AGBL1: variants seen among roughly 807,000 people sequenced by gnomAD.
The protein encoded by AGBL1 is AGBL carboxypeptidase 1.
Under a neutral mutation model 118.9 loss-of-function variants are expected in AGBL1, and 130 were observed. The observed-to-expected ratio is 1.09, with a 90% CI of 0.95 to 1.26. The LOEUF is 1.26. Ranked by LOEUF, AGBL1 falls within the 50% of genes most tolerant of loss-of-function variation. The pLI is 0.00. For synonymous variants in AGBL1, 555 were observed against 478.9 expected, an observed-to-expected ratio of 1.16 and a Z score of -2.08; for missense variants, 1,584 against 1,298.1, an observed-to-expected ratio of 1.22 and a Z score of -3.38.
chr15:86,732,400 T>A (rs531150105), intron 22 of AGBL1, among the ~76,000 whole-genome samples: 4 of 152,216 alleles, frequency 2.6e-5, no homozygotes, highest in Non-Finnish European at 4.4e-5. Flanking sequence ...TTTGTAACTA[T>A]GTAGCTGCCC....
intron 18 of AGBL1, among the ~76,000 whole-genome samples, chr15:86,402,380 A>G (rs115003325): frequency 0.017 from 2,651 of 152,158 alleles, 75 homozygotes; most frequent in African/African-American, 0.06. Context: ...TTTTCTAGGT[A>G]TATAATCATA....
chr15:86,529,501 T>C (rs1345350569), intron 19 of AGBL1, among the ~76,000 whole-genome samples: 1 of 134,692 alleles, frequency 7.4e-6, no homozygotes, highest in Non-Finnish European at 1.5e-5. Flanking sequence ...CTGAAAGTGA[T>C]GCGGAGAATG....
At chr15:86,312,393 G>C (rs900023397) in intron 17 of AGBL1, 4 of 152,202 alleles carry the variant, frequency 2.6e-5, no homozygotes, top group African/African-American at 9.7e-5. Context: ...CTTCACAAGA[G>C]AGATTTGGAA....
intron 23 of AGBL1, among the ~76,000 whole-genome samples, chr15:86,967,938 T>C (rs1475409953): frequency 2.0e-5 from 3 of 152,182 alleles, no homozygotes; most frequent in South Asian, 2.1e-4. Context: ...TTTCACGATA[T>C]TGATTCTTCC....
intron 21 of AGBL1, among the ~76,000 whole-genome samples, chr15:86,589,471 A>G (rs2084302533): frequency 6.6e-6 from 1 of 152,200 alleles, no homozygotes; most frequent in Non-Finnish European, 1.5e-5. Flanking sequence ...GGGTTGCACA[A>G]TAAGATTCGA....
rs1446279884 is a variant in AGBL1, at chr15:86,599,008, G to T, written c.2994+44471G>T. On this transcript the variant is annotated intron_variant, in intron 21 of 22. Transcript: ENST00000614907. ...ATAATATTCCAGCTTTGAGGGTGAG[G>T]TTGAAATAGATTATTAACTTTAATG... 2.6e-5 allele frequency among the ~76,000 whole-genome samples: 4 copies of T among 152,004 alleles called. No individual in the cohort carries two copies. The East Asian group carries it at 5.8e-4, about 22-fold the overall frequency.
At chr15:86,541,905 C>CA (rs2083502643) in intron 19 of AGBL1, among the ~76,000 whole-genome samples, 1 of 152,092 alleles carries the variant, frequency 6.6e-6, no homozygotes, top group South Asian at 2.1e-4. Flanking sequence ...AAATAGCTTG[C>CA]ACACAAAAGA....
intron 24 of AGBL1, among the ~76,000 whole-genome samples, chr15:86,989,668 A>G: frequency 6.6e-6 from 1 of 152,202 alleles, no homozygotes; most frequent in East Asian, 1.9e-4. Context: ...TTATTTTTTT[A>G]AAACTAAGCA....
At chr15:86,981,839 C>A (rs1299877889) in intron 23 of AGBL1, among the ~76,000 whole-genome samples, 1 of 152,134 alleles carries the variant, frequency 6.6e-6, no homozygotes, top group Non-Finnish European at 1.5e-5. Context: ...TTTGTAAAGA[C>A]ATCTGAGATG....
At chr15:86,319,488 C>G (rs1285172617) in intron 17 of AGBL1, among the ~76,000 whole-genome samples, 3 of 152,044 alleles carry the variant, frequency 2.0e-5, no homozygotes, top group African/African-American at 7.2e-5. Context: ...TCCTCCCTCC[C>G]CCCACATTTT....
chr15:86,467,675 T>G lies in AGBL1; in HGVS notation c.2556-55135T>G, dbSNP rs181866521. On this transcript the variant is annotated intron_variant, in intron 18 of 22. Transcript: ENST00000614907. ...GAAAGGTATAGTGTCTTGGCCAGAA[T>G]GCACTGCCCCTCATCACACAGTATT... is the stretch of plus-strand genomic sequence containing the variant. Among the ~76,000 whole-genome samples, 318 of 152,344 alleles carry G rather than the reference T, an allele frequency of 2.1e-3. 1 individual carries two copies. The highest frequency in any genetic ancestry group is 7.3e-3 in the African/African-American group (302 of 41,594).
At chr15:86,972,500 T>C (rs1347610404) in intron 23 of AGBL1, among the ~76,000 whole-genome samples, 1 of 152,024 alleles carries the variant, frequency 6.6e-6, no homozygotes, top group African/African-American at 2.4e-5. Context: ...AATTATTAAA[T>C]TTATAACTTC....
chr15:86,158,783 ATAGAG>A, intron 4 of AGBL1, 145 bp from the exon 5 acceptor site: 2 of 493,428 alleles, frequency 4.1e-6, no homozygotes, highest in East Asian at 5.1e-5. Context: ...GAATGACATT[ATAGAG>A]GAATGTGCAA....
chr15:86,194,858 G>T (rs1273022731), intron 5 of AGBL1, among the ~76,000 whole-genome samples: 1 of 152,120 alleles, frequency 6.6e-6, no homozygotes, highest in African/African-American at 2.4e-5. Context: ...TTAGGCAAAA[G>T]ACATATGTAA....
chr15:86,830,465 A>G (rs2079089065), intron 22 of AGBL1, among the ~76,000 whole-genome samples: 1 of 152,202 alleles, frequency 6.6e-6, no homozygotes, highest in Admixed American at 6.5e-5. Context: ...CCAGGTGGAC[A>G]GAATGACTCA....
chr15:86,803,136 T>A (rs1042884744), intron 22 of AGBL1, among the ~76,000 whole-genome samples: 2 of 152,132 alleles, frequency 1.3e-5, no homozygotes, highest in Non-Finnish European at 2.9e-5. Context: ...AGCACTGACA[T>A]GTTTTGGCTC....
At chr15:86,464,264 G>A (rs2142090900) in intron 18 of AGBL1, among the ~76,000 whole-genome samples, 1 of 152,294 alleles carries the variant, frequency 6.6e-6, no homozygotes, top group East Asian at 1.9e-4. Context: ...GTATAGGAAT[G>A]CTTGTGATTT....
intron 24 of AGBL1, among the ~76,000 whole-genome samples, chr15:86,999,561 A>C (rs2081414482): frequency 2.0e-5 from 3 of 148,544 alleles, no homozygotes; most frequent in East Asian, 1.9e-4. Context: ...TGAACTCATC[A>C]TTTTTTATGG....
At chr15:86,642,146 A>G (rs1461874992) in intron 21 of AGBL1, among the ~76,000 whole-genome samples, 1 of 152,182 alleles carries the variant, frequency 6.6e-6, no homozygotes, top group African/African-American at 2.4e-5. Context: ...AGGGAAATAT[A>G]TTTGGATTTC....
Sources: allele counts gnomAD v4.1 joint callset (sites outside exome capture counted in the v4.1 genomes callset), GRCh38; gene constraint gnomAD v4.1.1; transcripts MANE v1.5; gene names NCBI Gene and HGNC (gene_info 2026-07-23, HGNC 2026-07-21).